CNKSR2: variants seen among roughly 807,000 people sequenced by gnomAD.
The protein encoded by CNKSR2 is CNK homolog protein 2.
Under a neutral mutation model 84.4 loss-of-function variants are expected in CNKSR2, and 14 were observed. That is an observed-to-expected ratio of 0.17 (90% CI 0.11 to 0.26). The LOEUF (loss-of-function observed/expected upper bound fraction) is 0.26. Ranked by LOEUF, CNKSR2 falls within the 10% of genes least tolerant of loss-of-function variation. CNKSR2 has a pLI of 1.00. For missense variants in CNKSR2, 485 were observed against 771.2 expected (o/e 0.63, Z 4.40); for synonymous variants, 275 against 277.9 (o/e 0.99, Z 0.10).
At chrX:21,459,679 T>G (rs772284189) in intron 4 of CNKSR2, among the ~76,000 whole-genome samples, 1 of 111,345 alleles carries the variant, frequency 9.0e-6, no homozygotes, top group African/African-American at 3.3e-5. Flanking sequence ...TTTTTGTAAA[T>G]TACTGTATCA....
At chrX:21,534,140 G>T (rs987592369) in intron 11 of CNKSR2, among the ~76,000 whole-genome samples, 32 of 109,867 alleles carry the variant, frequency 2.9e-4, no homozygotes, top group African/African-American at 9.6e-4. Flanking sequence ...TACTCTCTAT[G>T]AGCTCAAAGT....
At chrX:21,397,594 A>T (rs993840826) in intron 1 of CNKSR2, among the ~76,000 whole-genome samples, 3 of 110,784 alleles carry the variant, frequency 2.7e-5, no homozygotes, top group Non-Finnish European at 5.7e-5. Flanking sequence ...GGGAGTGGGG[A>T]TGGGGAATTG....
rs185070886 is a variant in CNKSR2 at position 21,550,362 on chromosome X, G to A, written c.1304-11109G>A. On this transcript the variant is annotated intron_variant, in intron 11 of 21. Transcript: ENST00000379510. ...TAGAGAAATACAAATCAAAACCACA[G>A]TGAGATACCATCTCATGCCAGTTAG... is the stretch of plus-strand genomic sequence containing the variant. Among the ~76,000 whole-genome samples the A allele has an allele frequency of 5.8e-3, 645 of 112,089 alleles. 2 individuals carry two copies. Among genetic ancestry groups the A allele is most frequent in the Admixed American group, 8.8e-3 (94 of 10,630 alleles).
intron 8 of CNKSR2, among the ~76,000 whole-genome samples, chrX:21,503,024 T>C (rs1448636364): frequency 9.0e-6 from 1 of 111,438 alleles, no homozygotes; most frequent in Non-Finnish European, 1.9e-5. Flanking sequence ...ATCTGTTGAA[T>C]AGTTTCAGCA....
rs1413739131 is a variant in CNKSR2 at position 21,382,656 on chromosome X, G to A, written c.64+7695G>A. On this transcript the variant is annotated intron_variant, in intron 1 of 21. Coordinates refer to ENST00000379510, the MANE Select transcript of CNKSR2 (RefSeq NM_014927.5). ...ATATCCTTTATTTGTTAATTGGGAC[G>A]ATAAAATGGAAAAACAACCCTTGGG... Among the ~76,000 whole-genome samples, 3 of 110,877 alleles carry A rather than the reference G, an allele frequency of 2.7e-5. No homozygotes were observed. In the East Asian group the frequency reaches 8.4e-4, roughly 31 times the overall value.
intron 3 of CNKSR2, among the ~76,000 whole-genome samples, chrX:21,436,555 G>A (rs2090708119): frequency 9.1e-6 from 1 of 110,381 alleles, no homozygotes; most frequent in Non-Finnish European, 1.9e-5. Context: ...GATGATCCAA[G>A]GATTTTATCT....
At chrX:21,410,877 T>TGTGTGTTTGTGTGG in intron 1 of CNKSR2, among the ~76,000 whole-genome samples, 1 of 108,389 alleles carries the variant, frequency 9.2e-6, no homozygotes, top group Non-Finnish European at 1.9e-5. Context: ...AGTGGGCAAA[T>TGTGTGTTTGTGTGG]GTGTGTTTGT....
At position 21,620,578 on chromosome X, in the gene CNKSR2, C is replaced by T. The variant is rs1413987264; in HGVS notation, c.2692+10961C>T. 4.5e-5 allele frequency among the ~76,000 whole-genome samples: 5 copies of T among 110,880 alleles called. No individual in the cohort carries two copies. The East Asian group carries it at 1.1e-3, about 25-fold the overall frequency. Reference sequence around the variant, plus strand: ...GAATATTTTAAAGACTCGGAACTCCCGCCTCCAAAAGCAGGCATTTCATGT... The same window carrying T: ...GAATATTTTAAAGACTCGGAACTCCTGCCTCCAAAAGCAGGCATTTCATGT... On this transcript the variant is annotated intron_variant, in intron 20 of 21. Transcript: ENST00000379510.
At chrX:21,462,560 C>T (rs1213835778) in intron 4 of CNKSR2, among the ~76,000 whole-genome samples, 1 of 111,013 alleles carries the variant, frequency 9.0e-6, no homozygotes, top group African/African-American at 3.3e-5. Flanking sequence ...GCTAGGACTT[C>T]CAGTACTATG....
chrX:21,649,103 A>C, intron 21 of CNKSR2, 76 bp downstream of exon 21: 1 of 753,303 alleles, frequency 1.3e-6, no homozygotes, highest in Non-Finnish European at 1.9e-6. Context: ...ACTGTAGGTT[A>C]AGAAATACAA....
At chrX:21,407,703 G>T (rs1259841222) in intron 1 of CNKSR2, among the ~76,000 whole-genome samples, 3 of 110,818 alleles carry the variant, frequency 2.7e-5, no homozygotes, top group Non-Finnish European at 3.8e-5. Flanking sequence ...ACCTTTTTTG[G>T]ATTATAGCAC....
intron 9 of CNKSR2, among the ~76,000 whole-genome samples, chrX:21,523,983 T>A (rs986619587): frequency 1.8e-5 from 2 of 110,973 alleles, no homozygotes; most frequent in Non-Finnish European, 3.8e-5. Flanking sequence ...AAGTGGTTAT[T>A]TTTATTTTCC....
At chrX:21,558,406 G>A (rs755157319) in intron 11 of CNKSR2, among the ~76,000 whole-genome samples, 19 of 110,499 alleles carry the variant, frequency 1.7e-4, no homozygotes, top group African/African-American at 6.2e-4. Context: ...TATTTGCATT[G>A]CTGAATCTAT....
intron 13 of CNKSR2, among the ~76,000 whole-genome samples, chrX:21,565,551 G>A (rs963794383): frequency 9.0e-6 from 1 of 111,294 alleles, no homozygotes; most frequent in African/African-American, 3.3e-5. Flanking sequence ...GTATTTCCCA[G>A]ATAGTTGACA....
rs139572830 is a variant in CNKSR2 at position 21,442,425 on chromosome X, C to T, written c.519+1644C>T. ...CCATGATGCCTTCCTTAATGGATAT[C>T]AGCTTAACCTAAAATTATTCTACTG... On this transcript the variant is annotated intron_variant, in intron 4 of 21. Coordinates refer to ENST00000379510, the MANE Select transcript of CNKSR2 (RefSeq NM_014927.5). Among the ~76,000 whole-genome samples, 477 of 111,781 alleles carry T rather than the reference C, an allele frequency of 4.3e-3. 5 individuals carry two copies. In the East Asian group the frequency reaches 0.051, roughly 12 times the overall value.
intron 11 of CNKSR2, among the ~76,000 whole-genome samples, chrX:21,556,832 AG>A (rs1325433143): frequency 3.6e-5 from 4 of 110,549 alleles, no homozygotes; most frequent in Non-Finnish European, 7.6e-5. Context: ...AGCTGGGTAG[AG>A]GTTTGTGGGG....
chrX:21,383,595 G>C (rs1223938607), intron 1 of CNKSR2, among the ~76,000 whole-genome samples: 1 of 111,655 alleles, frequency 9.0e-6, no homozygotes, highest in Non-Finnish European at 1.9e-5. Flanking sequence ...AAATTAAGTA[G>C]GTTGGATGGT....
intron 3 of CNKSR2, among the ~76,000 whole-genome samples, chrX:21,433,930 A>G (rs928788757): frequency 4.5e-5 from 5 of 111,150 alleles, no homozygotes; most frequent in African/African-American, 1.6e-4. Flanking sequence ...TTGCATTATA[A>G]CATTATTAAA....
chrX:21,438,432 A>G (rs1202452680), intron 3 of CNKSR2, among the ~76,000 whole-genome samples: 5 of 111,668 alleles, frequency 4.5e-5, no homozygotes, highest in Admixed American at 9.5e-5. Context: ...ATATGTTAAA[A>G]CCACTAGAAA....
Sources: gnomAD v4.1 joint callset for allele counts (sites outside exome capture counted in the v4.1 genomes callset) on GRCh38, gnomAD v4.1.1 for gene constraint, MANE v1.5 for transcripts, NCBI Gene and HGNC (gene_info 2026-07-23, HGNC 2026-07-21) for gene names.